The following CSMD1 variants were observed in gnomAD, a reference collection of about 807,000 sequenced individuals.
CSMD1 encodes the protein CUB and sushi domain-containing protein 1.
Under a neutral mutation model 417.5 loss-of-function variants are expected in CSMD1, and 213 were observed. The observed-to-expected ratio is 0.51, with a 90% CI of 0.46 to 0.57. The LOEUF (loss-of-function observed/expected upper bound fraction) is 0.57, where lower values mean the gene tolerates loss of function less well. CSMD1 is among the 20% of genes least tolerant of loss of function. CSMD1 has a pLI of 0.00. For missense variants in CSMD1, 6,923 were observed against 4,529.7 expected (o/e 1.53, Z -15.17); for synonymous variants, 2,862 against 1,736.8 (o/e 1.65, Z -16.11).
intron 26 of CSMD1, among the ~76,000 whole-genome samples, chr8:3,232,223 G>A (rs1563166433): frequency 6.6e-6 from 1 of 152,098 alleles, no homozygotes; most frequent in Non-Finnish European, 1.5e-5. Flanking sequence ...ATAAATGTAT[G>A]CATTCCACTT....
intron 3 of CSMD1, among the ~76,000 whole-genome samples, chr8:4,128,213 C>T (rs1313337486): frequency 6.6e-6 from 1 of 152,116 alleles, no homozygotes; most frequent in Admixed American, 6.5e-5. Flanking sequence ...ACAGCAGCTC[C>T]TCCTTGAAAG....
intron 5 of CSMD1, among the ~76,000 whole-genome samples, chr8:3,968,936 A>T (rs1341530089): frequency 2.0e-5 from 3 of 152,128 alleles, no homozygotes; most frequent in African/African-American, 7.2e-5. Context: ...AGGCATTGAA[A>T]CCGACTACTC....
chr8:4,669,901 G>A (rs1345884863), intron 1 of CSMD1, among the ~76,000 whole-genome samples: 1 of 152,162 alleles, frequency 6.6e-6, no homozygotes, highest in South Asian at 2.1e-4. Flanking sequence ...GAAAGGTGCA[G>A]AGCCCCAGTG....
intron 1 of CSMD1, among the ~76,000 whole-genome samples, chr8:4,720,500 C>T (rs1808983195): frequency 6.6e-6 from 1 of 152,100 alleles, no homozygotes; most frequent in South Asian, 2.1e-4. Flanking sequence ...GCACTATAAC[C>T]TCTGCCTCCT....
At chr8:4,648,998 C>A (rs1563064191) in intron 1 of CSMD1, among the ~76,000 whole-genome samples, 1 of 152,182 alleles carries the variant, frequency 6.6e-6, no homozygotes, top group Non-Finnish European at 1.5e-5. Flanking sequence ...CTTCAATAAA[C>A]ATATCTATAC....
chr8:4,161,708 A>G (rs759150673), intron 3 of CSMD1, among the ~76,000 whole-genome samples: 7 of 152,350 alleles, frequency 4.6e-5, no homozygotes, highest in Admixed American at 6.5e-5. Flanking sequence ...GCCACGAATC[A>G]TAAGAAAACC....
Position 3,199,014 on chromosome 8 carries a change from C to G in CSMD1, c.5194+700G>C, listed in dbSNP as rs970576018. ...CTTTACAGTCATGACAAGCTCCACG[C>G]AAAGACTTAATCCAAGCTTCTGAAA... On this transcript the variant is annotated intron_variant, in intron 33 of 69. Coordinates refer to ENST00000635120, the MANE Select transcript of CSMD1 (RefSeq NM_033225.6). 2.0e-5 allele frequency among the ~76,000 whole-genome samples: 3 copies of G among 152,172 alleles called. No individual in the cohort carries two copies. The South Asian group carries it at 6.2e-4, about 31-fold the overall frequency.
At chr8:4,245,763 A>G (rs1411931382) in intron 3 of CSMD1, among the ~76,000 whole-genome samples, 1 of 152,020 alleles carries the variant, frequency 6.6e-6, no homozygotes, top group Non-Finnish European at 1.5e-5. Flanking sequence ...GTATCACCCA[A>G]CTCTGTTTTC....
chr8:4,236,055 T>TTTTTTTTTTTTTTTTTTTTTTTTTTTTTG (rs1802038108), intron 3 of CSMD1, among the ~76,000 whole-genome samples: 1 of 83,746 alleles, frequency 1.2e-5, no homozygotes, highest in African/African-American at 4.2e-5. Flanking sequence ...TTTTTTTTTT[T>TTTTTTTTTTTTTTTTTTTTTTTTTTTTTG]TTTTTTTTTT....
chr8:4,176,475 T>G (rs1475944679), intron 3 of CSMD1, among the ~76,000 whole-genome samples: 1 of 152,106 alleles, frequency 6.6e-6, no homozygotes, highest in African/African-American at 2.4e-5. Context: ...TCCTGGCACC[T>G]TCTAACCTCC....
chr8:4,423,165 T>A (rs113541062), intron 2 of CSMD1, among the ~76,000 whole-genome samples: 1 of 152,124 alleles, frequency 6.6e-6, no homozygotes, highest in African/African-American at 2.4e-5. Context: ...AAGTCAAGAA[T>A]GCTTTGAACA....
intron 7 of CSMD1, among the ~76,000 whole-genome samples, chr8:3,698,879 G>C (rs1003420229): frequency 1.3e-5 from 2 of 152,172 alleles, no homozygotes; most frequent in Non-Finnish European, 2.9e-5. Context: ...AACTACATAA[G>C]CATCATTTGC....
At chr8:3,250,536 T>C (rs1422915768) in intron 26 of CSMD1, among the ~76,000 whole-genome samples, 4 of 152,238 alleles carry the variant, frequency 2.6e-5, no homozygotes, top group African/African-American at 7.2e-5. Flanking sequence ...AATGGGTCTT[T>C]ATAGCAGCAT....
chr8:3,744,180 G>C (rs1327229607), intron 6 of CSMD1, among the ~76,000 whole-genome samples: 1 of 151,852 alleles, frequency 6.6e-6, no homozygotes, highest in Non-Finnish European at 1.5e-5. Context: ...TGGAAGGTCT[G>C]GCGGGAGTGG....
At chr8:3,444,218 G>T (rs1201826068) in intron 12 of CSMD1, among the ~76,000 whole-genome samples, 1 of 152,100 alleles carries the variant, frequency 6.6e-6, no homozygotes, top group African/African-American at 2.4e-5. Context: ...GAATCACTGG[G>T]CTGGATGACT....
intron 1 of CSMD1, among the ~76,000 whole-genome samples, chr8:4,941,363 T>G (rs1432043175): frequency 6.6e-6 from 1 of 152,174 alleles, no homozygotes; most frequent in Non-Finnish European, 1.5e-5. Flanking sequence ...AATATGATAT[T>G]CAAAATAAAA....
intron 1 of CSMD1, among the ~76,000 whole-genome samples, chr8:4,941,650 G>A (rs62488201): frequency 0.51 from 77,308 of 151,096 alleles, 20,960 homozygotes; most frequent in East Asian, 0.79. Context: ...CCAGGCTGGG[G>A]TACAGTACCA....
At chr8:4,873,622 G>T (rs747698000) in intron 1 of CSMD1, among the ~76,000 whole-genome samples, 3 of 152,070 alleles carry the variant, frequency 2.0e-5, no homozygotes, top group Admixed American at 6.5e-5. Context: ...TTAAGCAATC[G>T]ATCAATGTTC....
chr8:3,186,702 C>G (rs1217335413), intron 36 of CSMD1, among the ~76,000 whole-genome samples: 4 of 152,140 alleles, frequency 2.6e-5, no homozygotes, highest in Non-Finnish European at 5.9e-5. Context: ...ATTCCAGCCT[C>G]CCTTTGCAGT....
Sources: allele counts gnomAD v4.1 joint callset (sites outside exome capture counted in the v4.1 genomes callset), GRCh38; gene constraint gnomAD v4.1.1; transcripts MANE v1.5; gene names NCBI Gene and HGNC (gene_info 2026-07-23, HGNC 2026-07-21).